STARD6: variants seen among roughly 807,000 people sequenced by gnomAD.
STARD6 encodes StAR related lipid transfer domain containing 6.
In STARD6, 21 loss-of-function variants were observed where a neutral mutation model predicts 22.3. The observed-to-expected ratio is 0.94, with a 90% CI of 0.67 to 1.35. The LOEUF (loss-of-function observed/expected upper bound fraction) is 1.35. Among genes scored for constraint, STARD6 ranks in the 40% most tolerant of loss-of-function variants. The pLI, the probability that STARD6 is intolerant of heterozygous loss-of-function variation, is 0.00. For synonymous variants in STARD6, 80 were observed against 88.1 expected (o/e 0.91, Z 0.52); for missense variants, 269 against 266.9 (o/e 1.01, Z -0.05).
At chr18:54,340,491 G>A (rs1295565035) in intron 4 of STARD6, among the ~76,000 whole-genome samples, 2 of 152,106 alleles carry the variant, frequency 1.3e-5, no homozygotes, top group African/African-American at 2.4e-5. Context: ...TAAAAGAACA[G>A]AGGAACAAAA....
chr18:54,339,579 G>C (rs1396001572), intron 4 of STARD6, among the ~76,000 whole-genome samples: 1 of 151,604 alleles, frequency 6.6e-6, no homozygotes, highest in Non-Finnish European at 1.5e-5. Context: ...AATGACGTTT[G>C]AAGAGCTGAA....
rs553514218 is a variant in STARD6 at position 54,351,354 on chromosome 18, T to C, written c.140+2700A>G. 2.6e-5 allele frequency among the ~76,000 whole-genome samples: 4 copies of C among 152,318 alleles called. No homozygotes were observed. The South Asian group carries it at 8.3e-4, about 32-fold the overall frequency. On this transcript the variant is annotated intron_variant, in intron 4 of 7. Transcript: ENST00000307844. ...CCTGAAACTTTATTCACTTATCAGATCTAGGAACTTTTTGGATGAGTCATT... is the reference window on the plus strand; with the variant it reads ...CCTGAAACTTTATTCACTTATCAGACCTAGGAACTTTTTGGATGAGTCATT...
chr18:54,354,002 A>T, intron 4 of STARD6, 52 bp downstream of exon 4: 1 of 1,139,482 alleles, frequency 8.8e-7, no homozygotes, highest in Non-Finnish European at 1.3e-6. Flanking sequence ...TTCCAGATAC[A>T]TCAATGGCAT....
intron 4 of STARD6, among the ~76,000 whole-genome samples, chr18:54,350,201 A>G (rs969212359): frequency 1.3e-5 from 2 of 151,722 alleles, no homozygotes; most frequent in Non-Finnish European, 2.9e-5. Context: ...ATGGTATCTC[A>G]CTCTGGTTTT....
At chr18:54,339,044 CAAAAAAAAAAAAA>C (rs760501311) in intron 4 of STARD6, among the ~76,000 whole-genome samples, 3 of 10,406 alleles carry the variant, frequency 2.9e-4, no homozygotes, top group Admixed American at 2.7e-3. Flanking sequence ...GAGACTCCAT[CAAAAAAAAAAAAA>C]AAAAAAAAAA....
chr18:54,354,821 C>G (rs375162301), intron 2 of STARD6, among the ~76,000 whole-genome samples: 11 of 152,226 alleles, frequency 7.2e-5, no homozygotes, highest in African/African-American at 2.6e-4. Flanking sequence ...TCTCTGCCAC[C>G]TATTGTGTGA....
intron 4 of STARD6, among the ~76,000 whole-genome samples, chr18:54,346,912 T>C (rs1048363664): frequency 6.6e-6 from 1 of 151,992 alleles, no homozygotes; most frequent in African/African-American, 2.4e-5. Context: ...AATCGGATAA[T>C]GGGAAGTAAA....
At chr18:54,350,334 GTTT>G (rs1267766612) in intron 4 of STARD6, among the ~76,000 whole-genome samples, 3 of 151,978 alleles carry the variant, frequency 2.0e-5, no homozygotes, top group South Asian at 4.2e-4. Context: ...GGGATTATTT[GTTT>G]TTTTCTTACT....
chr18:54,344,466 A>G (rs2089015515), intron 4 of STARD6, among the ~76,000 whole-genome samples: 1 of 95,986 alleles, frequency 1.0e-5, no homozygotes. Flanking sequence ...TGCCTAGGAA[A>G]ACCAGAGACC....
chr18:54,326,723 TA>T (rs904197098), intron 7 of STARD6, among the ~76,000 whole-genome samples: 9 of 151,092 alleles, frequency 6.0e-5, no homozygotes, highest in Admixed American at 3.3e-4. Context: ...AAAAATAAAA[TA>T]AAAAATATTT....
intron 4 of STARD6, among the ~76,000 whole-genome samples, chr18:54,342,075 A>G (rs185944139): frequency 1.3e-5 from 2 of 152,372 alleles, no homozygotes; most frequent in East Asian, 3.9e-4. Context: ...CTGACCCTAT[A>G]CAAATAAAAA....
At chr18:54,338,165 A>C (rs116478877) in intron 4 of STARD6, among the ~76,000 whole-genome samples, 3,183 of 152,314 alleles carry the variant, frequency 0.021, 71 homozygotes, top group South Asian at 0.066. Flanking sequence ...TGCATCACTG[A>C]CTGGAAAATA....
chr18:54,330,486 A>G lies in STARD6; in HGVS notation c.386-1046T>C, dbSNP rs1242425110. Among the ~76,000 whole-genome samples the G allele has an allele frequency of 4.6e-5, 7 of 152,198 alleles. No homozygotes were observed. The East Asian group carries it at 1.3e-3, about 29-fold the overall frequency. ...TCTGAGTTTTAATTCTGGGTTACCT[A>G]CTTATTAGCTATGTAACTTACTTTC... On this transcript the variant is annotated intron_variant, in intron 6 of 7. Coordinates refer to ENST00000307844, the MANE Select transcript of STARD6 (RefSeq NM_139171.2).
At chr18:54,352,578 A>T (rs138759992) in intron 4 of STARD6, among the ~76,000 whole-genome samples, 1,903 of 152,306 alleles carry the variant, frequency 0.012, 25 homozygotes, top group Non-Finnish European at 0.016. Context: ...CAGAGAAGCC[A>T]TAAGATAATA....
chr18:54,347,235 C>T (rs966663540), intron 4 of STARD6, among the ~76,000 whole-genome samples: 1 of 152,020 alleles, frequency 6.6e-6, no homozygotes, highest in African/African-American at 2.4e-5. Flanking sequence ...GTAACTTGCT[C>T]TAAACTGCAA....
In STARD6 at chr18:54,324,874, T is replaced by C. The variant is rs1165782837; in HGVS notation, c.481A>G (p.Asn161Asp). 6.6e-7 allele frequency: 1 copy of C among 1,523,508 alleles called. No individual in the cohort carries two copies. Among genetic ancestry groups the C allele is most frequent in the Non-Finnish European group, 8.8e-7 (1 of 1,142,394 alleles). 94.4% of individuals were successfully genotyped at this position (1,523,508 alleles called of 1,614,324 possible). Residue 161 changes from asparagine (N) to aspartate (D), a missense_variant and splice_region_variant, in exon 8 of 8, where the codon AAC (asparagine) becomes GAC (aspartate). Transcript: ENST00000307844. ...CGFVCSPMEE[N>D]PAYSKLVMFV... Reference sequence around the variant, plus strand: ...ATCACTAGTTTGGAATATGCTGGGTTTCTGTAAGCAAAAGAAGAGTTAAAA... The same window carrying C: ...ATCACTAGTTTGGAATATGCTGGGTCTCTGTAAGCAAAAGAAGAGTTAAAA...
intron 4 of STARD6, among the ~76,000 whole-genome samples, chr18:54,351,635 G>T (rs756776986): frequency 6.6e-6 from 1 of 152,100 alleles, no homozygotes; most frequent in Non-Finnish European, 1.5e-5. Context: ...TGCCTATTTT[G>T]TTGAGGGTTT....
intron 4 of STARD6, 135 bp from the exon 5 acceptor site, chr18:54,337,386 T>G: frequency 1.5e-6 from 1 of 655,286 alleles, no homozygotes. Context: ...CTATCAGCAA[T>G]TCAATATATT....
intron 4 of STARD6, among the ~76,000 whole-genome samples, chr18:54,342,390 A>G (rs1205056055): frequency 6.6e-6 from 1 of 151,986 alleles, no homozygotes. Flanking sequence ...TGATATCAAA[A>G]CCAGATAAAG....
Sources: allele counts gnomAD v4.1 joint callset (sites outside exome capture counted in the v4.1 genomes callset), GRCh38; gene constraint gnomAD v4.1.1; transcripts MANE v1.5; gene names NCBI Gene and HGNC (gene_info 2026-07-23, HGNC 2026-07-21).